Variants in TECPR2 observed in about 807,000 individuals in gnomAD.
TECPR2 encodes the protein tectonin beta-propeller repeat-containing protein 2.
TECPR2 carries 65 observed loss-of-function variants against 138.1 expected under a neutral mutation model. That is an observed-to-expected ratio of 0.47 (90% CI 0.39 to 0.58). The LOEUF (loss-of-function observed/expected upper bound fraction) is 0.58. TECPR2 is among the 20% of genes least tolerant of loss of function. TECPR2 has a pLI of 0.00. For missense variants in TECPR2, 1,553 were observed against 1,824.5 expected (o/e 0.85, Z 2.71); for synonymous variants, 746 against 749.8 (o/e 0.99, Z 0.08).
intron 3 of TECPR2, among the ~76,000 whole-genome samples, chr14:102,408,233 G>T (rs964327631): frequency 1.3e-5 from 2 of 151,472 alleles, no homozygotes; most frequent in African/African-American, 4.8e-5. Flanking sequence ...GAACATTTTT[G>T]TGCTGGGTTG....
rs1418731066 is a variant in TECPR2, at chr14:102,425,340, T to C, written c.951+49T>C. ...TCTTCTGTGTCTATAGGCAAGAGAA[T>C]GTATCTCTATAAACTGTTCTACTCA... On this transcript the variant is annotated intron_variant, in intron 6 of 19. Transcript: ENST00000359520. 4 of 1,528,220 alleles carry C rather than the reference T, an allele frequency of 2.6e-6. No homozygotes were observed. The Admixed American group carries it at 8.3e-5, about 32-fold the overall frequency. 94.7% of individuals were successfully genotyped at this position (1,528,220 alleles called of 1,614,324 possible).
chr14:102,404,579 A>AATT (rs1555449212), intron 2 of TECPR2, among the ~76,000 whole-genome samples: 3 of 145,836 alleles, frequency 2.1e-5, no homozygotes, highest in African/African-American at 7.6e-5. Flanking sequence ...GTCAAGTGAA[A>AATT]TTTTTTTTTT....
chr14:102,408,061 C>T (rs755063165), intron 3 of TECPR2, among the ~76,000 whole-genome samples: 3 of 147,806 alleles, frequency 2.0e-5, no homozygotes, highest in Non-Finnish European at 3.0e-5. Context: ...CCCAGCTACT[C>T]GGGAGGCTGA....
intron 10 of TECPR2, among the ~76,000 whole-genome samples, chr14:102,439,823 T>A (rs1889781675): frequency 6.6e-6 from 1 of 152,254 alleles, no homozygotes; most frequent in Admixed American, 6.5e-5. Flanking sequence ...TGCGTCGGCC[T>A]GCTCCAGGCC....
At chr14:102,407,049 G>A (rs564535246) in intron 2 of TECPR2, among the ~76,000 whole-genome samples, 1 of 151,924 alleles carries the variant, frequency 6.6e-6, no homozygotes, top group African/African-American at 2.4e-5. Context: ...TAGTAGAGAC[G>A]GGGTTTCGCC....
intron 5 of TECPR2, among the ~76,000 whole-genome samples, chr14:102,423,152 G>A (rs1889229205): frequency 6.6e-6 from 1 of 152,026 alleles, no homozygotes; most frequent in Non-Finnish European, 1.5e-5. Flanking sequence ...AGATTTTTTG[G>A]CCAGGCGCAG....
chr14:102,448,633 G>T (rs1890052504), intron 13 of TECPR2, among the ~76,000 whole-genome samples: 1 of 151,222 alleles, frequency 6.6e-6, no homozygotes, highest in African/African-American at 2.4e-5. Context: ...TGGGAGGCCT[G>T]GGCGGGCGGA....
At chr14:102,488,677 C>T (rs2139794725) in intron 17 of TECPR2, among the ~76,000 whole-genome samples, 1 of 152,060 alleles carries the variant, frequency 6.6e-6, no homozygotes, top group Non-Finnish European at 1.5e-5. Flanking sequence ...ATGGTCACTG[C>T]ACTTGTATTT....
intron 17 of TECPR2, among the ~76,000 whole-genome samples, chr14:102,466,828 C>T (rs1248149098): frequency 2.0e-5 from 3 of 152,184 alleles, no homozygotes; most frequent in Non-Finnish European, 4.4e-5. Context: ...TCTCACAGAA[C>T]CAGCCCCTCC....
rs531295693 is a variant in TECPR2, at chr14:102,489,304, C to T, written c.3790-7675C>T. Among the ~76,000 whole-genome samples, 345 of 152,240 alleles carry T rather than the reference C, an allele frequency of 2.3e-3. 1 individual carries two copies. The highest frequency in any genetic ancestry group is 6.6e-3 in the Admixed American group (101 of 15,274). On this transcript the variant is annotated intron_variant, in intron 17 of 19. Coordinates refer to ENST00000359520, the MANE Select transcript of TECPR2 (RefSeq NM_014844.5). ...TCACCTGATTTCTACCTGGGATTTTCCTCTTCTGGATGTTTCATAGAAATG... is the reference window on the plus strand; with the variant it reads ...TCACCTGATTTCTACCTGGGATTTTTCTCTTCTGGATGTTTCATAGAAATG...
intron 16 of TECPR2, 141 bp from the exon 17 acceptor site, chr14:102,465,000 C>T (rs1374371951): frequency 9.1e-6 from 9 of 984,696 alleles, no homozygotes; most frequent in Middle Eastern, 3.1e-4. Context: ...AGGACAGATC[C>T]GATGACTTAG....
At chr14:102,378,568 G>C (rs974186539) in intron 2 of TECPR2, among the ~76,000 whole-genome samples, 3 of 152,178 alleles carry the variant, frequency 2.0e-5, no homozygotes, top group Admixed American at 6.5e-5. Context: ...TTGGCTGGTA[G>C]TAAATGGCAG....
At chr14:102,425,408 T>G in intron 6 of TECPR2, 117 bp downstream of exon 6, 1 of 1,042,848 alleles carries the variant, frequency 9.6e-7, no homozygotes, top group Admixed American at 3.6e-5. Context: ...ACTTACACTT[T>G]ACTTTTTCCT....
intron 2 of TECPR2, among the ~76,000 whole-genome samples, chr14:102,383,686 G>A (rs1887903208): frequency 1.3e-5 from 2 of 151,956 alleles, no homozygotes; most frequent in Non-Finnish European, 2.9e-5. Context: ...GGGATTACAA[G>A]CATGAGCCAC....
chr14:102,447,069 A>G (rs75558810), intron 13 of TECPR2, among the ~76,000 whole-genome samples: 18 of 152,204 alleles, frequency 1.2e-4, no homozygotes, highest in African/African-American at 3.9e-4. Context: ...AGGAAACACT[A>G]TAAGAAACAG....
intron 2 of TECPR2, among the ~76,000 whole-genome samples, chr14:102,392,018 C>T (rs1235990734): frequency 6.6e-6 from 1 of 152,046 alleles, no homozygotes; most frequent in Non-Finnish European, 1.5e-5. Flanking sequence ...GACAGAGTTT[C>T]ACTCTTGTTG....
intron 17 of TECPR2, among the ~76,000 whole-genome samples, chr14:102,484,564 C>T (rs1207416357): frequency 6.6e-6 from 1 of 152,170 alleles, no homozygotes; most frequent in Non-Finnish European, 1.5e-5. Context: ...TTTAGCCTTC[C>T]AGGGCCCGCT....
chr14:102,464,468 C>T (rs999286149), intron 16 of TECPR2, among the ~76,000 whole-genome samples: 1 of 152,066 alleles, frequency 6.6e-6, no homozygotes, highest in Admixed American at 6.6e-5. Context: ...TCACAGGTCA[C>T]TGCAACCTCG....
chr14:102,483,790 T>TC lies in TECPR2; in HGVS notation c.3790-13188dup, dbSNP rs1410524033. Among the ~76,000 whole-genome samples, 399 of 97,884 alleles carry TC rather than the reference T, an allele frequency of 4.1e-3. 1 individual carries two copies. Among genetic ancestry groups the TC allele is most frequent in the African/African-American group, 0.017 (374 of 22,142 alleles). 64.2% of individuals were successfully genotyped at this position (97,884 alleles called of 152,430 possible). A position where few individuals can be genotyped will look rare whatever the true frequency, so the allele number is the denominator to read the frequency against. On this transcript the variant is annotated intron_variant, in intron 17 of 19. Transcript: ENST00000359520. ...CTGGCTGAAGGCCTCCTTTTCCTTTTCTTTTTTTTTTTTTTTTTTTTTGAG... is the reference window on the plus strand; with the variant it reads ...CTGGCTGAAGGCCTCCTTTTCCTTTTCCTTTTTTTTTTTTTTTTTTTTTGAG...
Sources: allele counts gnomAD v4.1 joint callset (sites outside exome capture counted in the v4.1 genomes callset), GRCh38; gene constraint gnomAD v4.1.1; transcripts MANE v1.5; gene names NCBI Gene and HGNC (gene_info 2026-07-23, HGNC 2026-07-21).